Variants in IFIH1 observed in about 807,000 individuals in gnomAD.
IFIH1 encodes interferon-induced helicase C domain-containing protein 1.
Under a neutral mutation model 107.4 loss-of-function variants are expected in IFIH1, and 125 were observed. The observed-to-expected ratio is 1.16, with a 90% CI of 1.01 to 1.35. The LOEUF (loss-of-function observed/expected upper bound fraction) is 1.35. IFIH1 is among the 40% of genes most tolerant of loss of function. The probability of loss-of-function intolerance (pLI) is 0.00; values close to 1 mark genes in which losing one functional copy is unlikely to be tolerated. For missense variants in IFIH1, 1,333 were observed against 1,213.7 expected (o/e 1.10, Z -1.46); for synonymous variants, 458 against 413.2 (o/e 1.11, Z -1.31).
At chr2:162,284,137 T>C (rs1315347289) in intron 5 of IFIH1, among the ~76,000 whole-genome samples, 4 of 152,064 alleles carry the variant, frequency 2.6e-5, no homozygotes, top group Middle Eastern at 3.4e-3. Flanking sequence ...TTTAATGACA[T>C]TTAAGCCTTT....
At chr2:162,269,274 G>A (rs6760785) in intron 13 of IFIH1, among the ~76,000 whole-genome samples, 3,067 of 152,182 alleles carry the variant, frequency 0.02, 111 homozygotes, top group African/African-American at 0.071. Flanking sequence ...TGTACCTTTC[G>A]CCCTTTCCAT....
rs368825966 is a variant in IFIH1, at chr2:162,318,030, C to T, written c.278G>A (p.Arg93His). 2 of 1,614,162 alleles carry T rather than the reference C, an allele frequency of 1.2e-6. No individual in the cohort carries two copies. The highest frequency in any genetic ancestry group is 4.5e-5 in the East Asian group (2 of 44,862). The change falls in exon 1 of 16, where the codon CGC (arginine) becomes CAC (histidine). Residue 93 changes from arginine (R) to histidine (H), a missense_variant. By Grantham distance (29) the Arg-to-His change is conservative. Transcript: ENST00000649979. The stretch of plus-strand genomic sequence containing the variant: ...GTCCGTGAGCTCAGGGTTCATGTAG[C>T]GGGCGGCCAGAGGGCTGCCGGTTCT... ...LRRTGSPLAARYMNPELTDLP... is the reference protein window; with the variant it reads ...LRRTGSPLAAHYMNPELTDLP...
At chr2:162,295,556 G>C (rs1273694718) in intron 3 of IFIH1, among the ~76,000 whole-genome samples, 1 of 151,908 alleles carries the variant, frequency 6.6e-6, no homozygotes, top group African/African-American at 2.4e-5. Context: ...GAAATTTGTA[G>C]AAAAATTCTC....
chr2:162,277,482 A>G lies in IFIH1; in HGVS notation c.1977T>C (p.Asp659=), dbSNP rs1190170498. 6.2e-7 allele frequency: 1 copy of G among 1,603,538 alleles called. No homozygotes were observed. Among genetic ancestry groups the G allele is most frequent in the Non-Finnish European group, 8.5e-7 (1 of 1,171,440 alleles). The part of the protein sequence containing the change: ...GDDEYCDGDE[D]EDDLKKPLKL... ...TCAAAGGTTTCTTTAAATCATCCTC[A>G]TCTTCATCACCATCACAATACTCAT... Residue 659 remains aspartate (D), a synonymous_variant, in exon 10 of 16, where the codon GAT becomes GAC. Transcript: ENST00000649979.
intron 10 of IFIH1, 152 bp downstream of exon 10, chr2:162,277,263 C>G: frequency 1.6e-6 from 1 of 614,926 alleles, no homozygotes; most frequent in Non-Finnish European, 2.8e-6. Context: ...CAACTGGTAG[C>G]TAATCTGGTC....
chr2:162,281,011 G>A (rs1433218218), intron 7 of IFIH1, among the ~76,000 whole-genome samples: 1 of 152,000 alleles, frequency 6.6e-6, no homozygotes. Context: ...CATAGTTTAT[G>A]CATATTTCTA....
intron 5 of IFIH1, among the ~76,000 whole-genome samples, chr2:162,285,588 A>T (rs1303633035): frequency 6.6e-6 from 1 of 152,024 alleles, no homozygotes; most frequent in Non-Finnish European, 1.5e-5. Context: ...AACAATAGAA[A>T]AGCAATAAGG....
chr2:162,304,539 CTG>C, intron 3 of IFIH1, among the ~76,000 whole-genome samples: 1 of 152,040 alleles, frequency 6.6e-6, no homozygotes, highest in South Asian at 2.1e-4. Flanking sequence ...AGCAAGCCAA[CTG>C]TGAAAAAAAT....
chr2:162,305,718 C>T (rs761822912), intron 3 of IFIH1, among the ~76,000 whole-genome samples: 4 of 152,144 alleles, frequency 2.6e-5, no homozygotes, highest in Non-Finnish European at 5.9e-5. Flanking sequence ...ACAGCCATTA[C>T]AAAAATTAAA....
At position 162,273,778 on chromosome 2, in the gene IFIH1, G is replaced by A. The variant is rs190588381; in HGVS notation, c.2454+17C>T. The A allele has an allele frequency of 6.7e-7, 1 of 1,503,134 alleles. No homozygotes were observed. Among genetic ancestry groups the A allele is most frequent in the Non-Finnish European group, 9.0e-7 (1 of 1,115,916 alleles). 93.1% of individuals were successfully genotyped at this position (1,503,134 alleles called of 1,614,324 possible). On this transcript the variant is annotated intron_variant, in intron 12 of 15. Transcript: ENST00000649979. The stretch of plus-strand genomic sequence containing the variant: ...CAAATAAAAATTAACATAGTAAGTA[G>A]AGGTATTTGAATGTACCTGGACCAT...
chr2:162,317,232 G>A (rs770164842), intron 1 of IFIH1, among the ~76,000 whole-genome samples: 46 of 152,080 alleles, frequency 3.0e-4, no homozygotes, highest in Non-Finnish European at 6.2e-4. Flanking sequence ...AAACAAACGA[G>A]CATGACTGTG....
chr2:162,318,062 G>A lies in IFIH1; in HGVS notation c.246C>T (p.Ala82=). The change falls in exon 1 of 16, where the codon GCC becomes GCT. Residue 82 remains alanine (A), a synonymous_variant. Coordinates refer to ENST00000649979, the MANE Select transcript of IFIH1 (RefSeq NM_022168.4). ...HLGWTREFVE[A]LRRTGSPLAA... is the part of the protein sequence containing the mutation. ...CCAGAGGGCTGCCGGTTCTCCGGAG[G>A]GCCTCCACGAATTCCCGAGTCCAAC... The A allele has an allele frequency of 6.2e-7, 1 of 1,614,124 alleles. No individual in the cohort carries two copies. Among genetic ancestry groups the A allele is most frequent in the Non-Finnish European group, 8.5e-7 (1 of 1,180,020 alleles).
chr2:162,269,843 G>A (rs1691000434), intron 13 of IFIH1, among the ~76,000 whole-genome samples: 1 of 152,090 alleles, frequency 6.6e-6, no homozygotes, highest in Admixed American at 6.5e-5. Flanking sequence ...AAGCCTGGAG[G>A]CTATATAATA....
chr2:162,268,393 T>C (rs1416805267), intron 13 of IFIH1, 116 bp from the exon 14 acceptor site: 2 of 625,272 alleles, frequency 3.2e-6, no homozygotes, highest in Non-Finnish European at 5.5e-6. Flanking sequence ...CCTTAGCTTA[T>C]GGTCTAGGAA....
intron 3 of IFIH1, among the ~76,000 whole-genome samples, chr2:162,304,746 T>C (rs929074642): frequency 2.6e-5 from 4 of 152,172 alleles, no homozygotes; most frequent in Admixed American, 1.3e-4. Context: ...CGAAATACCA[T>C]TTTTAATAGC....
In IFIH1 at chr2:162,288,337, G is replaced by A; in HGVS notation, c.893C>T (p.Ala298Val). Residue 298 changes from alanine (A) to valine (V), a missense_variant, in exon 5 of 16, where the codon GCA becomes GTA. Ala to Val is a moderately conservative substitution (Grantham distance 64, BLOSUM62 0). Coordinates refer to ENST00000649979, the MANE Select transcript of IFIH1 (RefSeq NM_022168.4). ...GAGTTCTGGCTCCGGGGATGCTCTT[G>A]CTGCCACATTCTCTTCATCTGAAGA... is the stretch of plus-strand genomic sequence containing the variant. ...GSDSDEENVA[A>V]RASPEPELQL... The A allele has an allele frequency of 6.2e-7, 1 of 1,612,306 alleles. No individual in the cohort carries two copies. The highest frequency in any genetic ancestry group is 8.5e-7 in the Non-Finnish European group (1 of 1,178,918).
At chr2:162,292,827 T>A (rs1683017568) in intron 4 of IFIH1, among the ~76,000 whole-genome samples, 1 of 151,802 alleles carries the variant, frequency 6.6e-6, no homozygotes, top group Admixed American at 6.6e-5. Context: ...CACTAACCCA[T>A]CACCTACATT....
chr2:162,287,261 A>G (rs1039764873), intron 5 of IFIH1, among the ~76,000 whole-genome samples: 1 of 151,974 alleles, frequency 6.6e-6, no homozygotes, highest in Non-Finnish European at 1.5e-5. Context: ...GAAATAAAAA[A>G]TAGAATATTT....
At chr2:162,310,978 T>G in intron 1 of IFIH1, 45 bp from the exon 2 acceptor site, 1 of 1,475,106 alleles carries the variant, frequency 6.8e-7, no homozygotes, top group South Asian at 1.2e-5. Flanking sequence ...AAACATCTTC[T>G]GAATAACCTT....
Sources: allele counts gnomAD v4.1 joint callset (sites outside exome capture counted in the v4.1 genomes callset), GRCh38; gene constraint gnomAD v4.1.1; transcripts MANE v1.5; gene names NCBI Gene and HGNC (gene_info 2026-07-23, HGNC 2026-07-21).